The following COP1 variants were observed in gnomAD, a reference collection of about 807,000 sequenced individuals.
COP1 encodes the protein E3 ubiquitin-protein ligase COP1.
In COP1, 24 loss-of-function variants were observed where a neutral mutation model predicts 101.3. The ratio of observed to expected loss-of-function variants is 0.24; its 90% CI spans 0.17 to 0.33. The LOEUF (loss-of-function observed/expected upper bound fraction) is 0.33, where lower values mean the gene tolerates loss of function less well. Among genes scored for constraint, COP1 ranks in the 10% least tolerant of loss-of-function variants. The probability of loss-of-function intolerance (pLI) is 1.00; values close to 1 mark genes in which losing one functional copy is unlikely to be tolerated. For missense variants in COP1, 663 were observed against 906.2 expected, an observed-to-expected ratio of 0.73 and a Z score of 3.45; for synonymous variants, 347 against 341.9, an observed-to-expected ratio of 1.01 and a Z score of -0.17.
At chr1:176,121,295 T>C (rs1425158491) in intron 8 of COP1, among the ~76,000 whole-genome samples, 1 of 152,082 alleles carries the variant, frequency 6.6e-6, no homozygotes, top group Non-Finnish European at 1.5e-5. Context: ...CCAAAATTGT[T>C]GTGGCCCCAA....
chr1:176,144,873 T>C (rs1198026883), intron 6 of COP1, among the ~76,000 whole-genome samples: 1 of 152,100 alleles, frequency 6.6e-6, no homozygotes, highest in Non-Finnish European at 1.5e-5. Context: ...AATCTTCAAG[T>C]ATAGATCTAA....
chr1:176,107,245 T>G (rs1684482427), intron 9 of COP1, among the ~76,000 whole-genome samples: 1 of 152,152 alleles, frequency 6.6e-6, no homozygotes. Context: ...CCTAGCTCTG[T>G]CCACTGAGAA....
intron 15 of COP1, among the ~76,000 whole-genome samples, chr1:175,993,844 C>G (rs1055087394): frequency 6.6e-6 from 1 of 152,140 alleles, no homozygotes; most frequent in Admixed American, 6.5e-5. Context: ...AGGAGAACTT[C>G]CCCAATCTAG....
intron 9 of COP1, among the ~76,000 whole-genome samples, chr1:176,107,968 T>C (rs1375981107): frequency 6.6e-6 from 1 of 151,558 alleles, no homozygotes; most frequent in African/African-American, 2.4e-5. Context: ...TGTACCAATT[T>C]AGAGGAGATT....
intron 5 of COP1, among the ~76,000 whole-genome samples, chr1:176,159,202 A>C (rs547224018): frequency 9.1e-4 from 139 of 152,348 alleles, no homozygotes; most frequent in Non-Finnish European, 1.5e-3. Context: ...ACACATACAC[A>C]AATCAGTAAG....
At chr1:176,003,648 A>T (rs1282287909) in intron 15 of COP1, among the ~76,000 whole-genome samples, 2 of 152,116 alleles carry the variant, frequency 1.3e-5, no homozygotes, top group African/African-American at 4.8e-5. Context: ...TTTGTCAGAG[A>T]TCAGATAGTT....
intron 18 of COP1, among the ~76,000 whole-genome samples, chr1:175,963,447 G>A (rs1021178135): frequency 6.6e-6 from 1 of 152,068 alleles, no homozygotes; most frequent in Non-Finnish European, 1.5e-5. Flanking sequence ...AAGGGTGTAC[G>A]TTTTACAGCC....
At chr1:176,044,866 G>A (rs1316995217) in intron 12 of COP1, among the ~76,000 whole-genome samples, 1 of 152,092 alleles carries the variant, frequency 6.6e-6, no homozygotes, top group Non-Finnish European at 1.5e-5. Context: ...ATACAGAACA[G>A]GTAGACAGCA....
intron 3 of COP1, among the ~76,000 whole-genome samples, chr1:176,169,282 T>C (rs1202007221): frequency 1.3e-5 from 2 of 152,216 alleles, no homozygotes; most frequent in Non-Finnish European, 2.9e-5. Flanking sequence ...ACATTCACTA[T>C]AGAATTTTAT....
At chr1:176,161,871 T>A (rs1046904177) in intron 5 of COP1, among the ~76,000 whole-genome samples, 2 of 152,172 alleles carry the variant, frequency 1.3e-5, no homozygotes, top group Non-Finnish European at 2.9e-5. Flanking sequence ...TACTAGAAGA[T>A]CCCCACCACA....
chr1:176,171,178 G>A (rs1696008333), intron 3 of COP1, among the ~76,000 whole-genome samples: 1 of 147,586 alleles, frequency 6.8e-6, no homozygotes, highest in South Asian at 2.1e-4. Flanking sequence ...CTGAAAATCT[G>A]TCATTTACTA....
intron 11 of COP1, among the ~76,000 whole-genome samples, chr1:176,065,378 TATATGGGGAAGTTA>T (rs1339578995): frequency 6.6e-6 from 1 of 152,190 alleles, no homozygotes; most frequent in African/African-American, 2.4e-5. Context: ...ATGGAAGCAA[TATATGGGGAAGTTA>T]TCATACCTAG....
chr1:176,156,599 A>T (rs577364338), intron 5 of COP1, among the ~76,000 whole-genome samples: 2 of 152,300 alleles, frequency 1.3e-5, no homozygotes, highest in African/African-American at 4.8e-5. Flanking sequence ...ACAAGCATGA[A>T]GAAGACTATA....
chr1:176,020,658 C>G (rs957256781), intron 15 of COP1, among the ~76,000 whole-genome samples: 15 of 152,314 alleles, frequency 9.8e-5, no homozygotes, highest in Non-Finnish European at 7.4e-5. Flanking sequence ...GCCTAGGCAT[C>G]AGAGCAAGAC....
At chr1:176,144,633 G>A (rs1691278387) in intron 6 of COP1, among the ~76,000 whole-genome samples, 1 of 152,040 alleles carries the variant, frequency 6.6e-6, no homozygotes, top group Non-Finnish European at 1.5e-5. Flanking sequence ...AAGAAGAACA[G>A]CAACTTAATT....
intron 5 of COP1, among the ~76,000 whole-genome samples, chr1:176,156,844 TATA>T (rs1693524757): frequency 1.3e-5 from 2 of 151,986 alleles, no homozygotes; most frequent in Non-Finnish European, 2.9e-5. Context: ...AGTAGACAAT[TATA>T]ATAATAACAG....
At chr1:176,202,105 G>A (rs1319245856) in intron 1 of COP1, among the ~76,000 whole-genome samples, 1 of 151,362 alleles carries the variant, frequency 6.6e-6, no homozygotes, top group East Asian at 1.9e-4. Context: ...TGTACCCAGT[G>A]AGAAATACAT....
intron 5 of COP1, among the ~76,000 whole-genome samples, chr1:176,157,257 A>G (rs1262459201): frequency 6.6e-6 from 1 of 152,218 alleles, no homozygotes; most frequent in Non-Finnish European, 1.5e-5. Context: ...ATATTTATAA[A>G]GAACTACAAT....
At chr1:175,951,482 A>T (rs1185192433) in intron 18 of COP1, among the ~76,000 whole-genome samples, 3 of 145,772 alleles carry the variant, frequency 2.1e-5, no homozygotes, top group Non-Finnish European at 4.5e-5. Context: ...ATTTTTGGCC[A>T]TAACAGAGTA....
Sources: gnomAD v4.1 joint callset for allele counts (sites outside exome capture counted in the v4.1 genomes callset) on GRCh38, gnomAD v4.1.1 for gene constraint, MANE v1.5 for transcripts, NCBI Gene and HGNC (gene_info 2026-07-23, HGNC 2026-07-21) for gene names.